Variants in LRMDA observed in about 807,000 individuals in gnomAD.
The protein encoded by LRMDA is leucine rich melanocyte differentiation associated.
LRMDA carries 18 observed loss-of-function variants against 29.8 expected under a neutral mutation model. That is an observed-to-expected ratio of 0.60 (90% CI 0.42 to 0.90). The LOEUF (loss-of-function observed/expected upper bound fraction) is 0.90. LRMDA is among the 40% of genes least tolerant of loss of function. The probability of loss-of-function intolerance (pLI) is 0.00; values close to 1 mark genes in which losing one functional copy is unlikely to be tolerated. For missense variants in LRMDA, 273 were observed against 273.9 expected (o/e 1.00, Z 0.02); for synonymous variants, 125 against 109.4 (o/e 1.14, Z -0.89).
chr10:76,353,164 T>G (rs1400312798), intron 6 of LRMDA, among the ~76,000 whole-genome samples: 5 of 152,190 alleles, frequency 3.3e-5, no homozygotes, highest in Non-Finnish European at 4.4e-5. Flanking sequence ...GTAAATGCTT[T>G]AGAGGGTCTG....
At chr10:76,473,817 A>G (rs1842641656) in intron 6 of LRMDA, among the ~76,000 whole-genome samples, 1 of 151,638 alleles carries the variant, frequency 6.6e-6, no homozygotes, top group Admixed American at 6.6e-5. Flanking sequence ...CTGAAGAACA[A>G]CAAAAACATT....
At chr10:75,538,190 G>A (rs970087916) in intron 2 of LRMDA, among the ~76,000 whole-genome samples, 1 of 152,130 alleles carries the variant, frequency 6.6e-6, no homozygotes, top group Admixed American at 6.5e-5. Flanking sequence ...CCGCTGCATC[G>A]AAGGGGAGCC....
intron 2 of LRMDA, among the ~76,000 whole-genome samples, chr10:75,634,947 A>T (rs959284617): frequency 6.6e-6 from 1 of 152,226 alleles, no homozygotes; most frequent in Admixed American, 6.5e-5. Context: ...AAAAAGGATG[A>T]AAACAACCAT....
At chr10:75,853,688 C>A (rs1366316262) in intron 2 of LRMDA, among the ~76,000 whole-genome samples, 1 of 152,174 alleles carries the variant, frequency 6.6e-6, no homozygotes, top group African/African-American at 2.4e-5. Flanking sequence ...ATATTGAATA[C>A]CAAATGCAAA....
intron 5 of LRMDA, among the ~76,000 whole-genome samples, chr10:76,098,387 C>A (rs1375528647): frequency 1.3e-5 from 2 of 152,124 alleles, no homozygotes; most frequent in Non-Finnish European, 2.9e-5. Flanking sequence ...GAGGGCTATT[C>A]AGATTATCTA....
intron 5 of LRMDA, among the ~76,000 whole-genome samples, chr10:76,209,046 C>T (rs1407209941): frequency 6.6e-6 from 1 of 151,980 alleles, no homozygotes; most frequent in Non-Finnish European, 1.5e-5. Context: ...TCCAGCTACG[C>T]AGCAGGCTGA....
chr10:75,613,742 G>C (rs1175291575), intron 2 of LRMDA, among the ~76,000 whole-genome samples: 1 of 152,178 alleles, frequency 6.6e-6, no homozygotes, highest in Non-Finnish European at 1.5e-5. Flanking sequence ...CTGACATATG[G>C]ATGTGATCTC....
chr10:75,534,754 C>A (rs891486545), intron 2 of LRMDA, among the ~76,000 whole-genome samples: 1 of 152,116 alleles, frequency 6.6e-6, no homozygotes, highest in African/African-American at 2.4e-5. Context: ...CTGAATAATT[C>A]AAGCTTGAGT....
At chr10:75,820,457 A>T (rs953602449) in intron 2 of LRMDA, among the ~76,000 whole-genome samples, 1 of 152,258 alleles carries the variant, frequency 6.6e-6, no homozygotes, top group South Asian at 2.1e-4. Context: ...TCTGAAACAC[A>T]TGAAAATAGA....
At chr10:76,370,514 C>A (rs562996189) in intron 6 of LRMDA, among the ~76,000 whole-genome samples, 35 of 152,220 alleles carry the variant, frequency 2.3e-4, no homozygotes, top group African/African-American at 8.4e-4. Flanking sequence ...AAGAAAATAG[C>A]ATATATTGTA....
At chr10:75,772,624 A>G (rs967606131) in intron 2 of LRMDA, among the ~76,000 whole-genome samples, 5 of 152,202 alleles carry the variant, frequency 3.3e-5, no homozygotes, top group Non-Finnish European at 7.3e-5. Flanking sequence ...ATGCAAATTC[A>G]AAACTGAAAG....
chr10:75,508,032 G>A (rs1309309940), intron 2 of LRMDA, among the ~76,000 whole-genome samples: 6 of 152,174 alleles, frequency 3.9e-5, no homozygotes, highest in Non-Finnish European at 8.8e-5. Flanking sequence ...AACGTATAGG[G>A]TTCGTAACTC....
intron 6 of LRMDA, among the ~76,000 whole-genome samples, chr10:76,326,284 G>A (rs1186247644): frequency 6.6e-6 from 1 of 152,156 alleles, no homozygotes; most frequent in African/African-American, 2.4e-5. Flanking sequence ...AAACCAATTT[G>A]GCTTGAACCA....
chr10:76,066,339 C>A (rs1848785042), intron 5 of LRMDA, among the ~76,000 whole-genome samples: 1 of 152,248 alleles, frequency 6.6e-6, no homozygotes, highest in Admixed American at 6.5e-5. Context: ...TAGTCACTGT[C>A]TGCTAGCTAT....
intron 2 of LRMDA, among the ~76,000 whole-genome samples, chr10:75,620,246 G>A (rs535495559): frequency 6.6e-6 from 1 of 152,284 alleles, no homozygotes; most frequent in South Asian, 2.1e-4. Flanking sequence ...GCAAAATATT[G>A]AAAGAGATGT....
intron 6 of LRMDA, among the ~76,000 whole-genome samples, chr10:76,487,971 A>G (rs867941318): frequency 6.6e-6 from 1 of 151,882 alleles, no homozygotes; most frequent in African/African-American, 2.4e-5. Context: ...ACAAAATGAC[A>G]CCATATACAG....
At chr10:76,080,458 A>G (rs566502123) in intron 5 of LRMDA, among the ~76,000 whole-genome samples, 37 of 152,286 alleles carry the variant, frequency 2.4e-4, no homozygotes, top group Admixed American at 2.1e-3. Flanking sequence ...CCCATGGCCA[A>G]TTACCAGGGA....
At chr10:75,529,552 G>GCAGCCTGGAGTGCCAT (rs1246386312) in intron 2 of LRMDA, among the ~76,000 whole-genome samples, 1 of 152,168 alleles carries the variant, frequency 6.6e-6, no homozygotes. Flanking sequence ...ATCCCAGAAG[G>GCAGCCTGGAGTGCCAT]CAGCCTGGAG....
At chr10:75,989,421 T>C (rs1423072838) in intron 2 of LRMDA, among the ~76,000 whole-genome samples, 2 of 152,132 alleles carry the variant, frequency 1.3e-5, no homozygotes, top group African/African-American at 4.8e-5. Flanking sequence ...GTGCCACACA[T>C]GTTTAAACAA....
Sources: allele counts gnomAD v4.1 joint callset (sites outside exome capture counted in the v4.1 genomes callset), GRCh38; gene constraint gnomAD v4.1.1; transcripts MANE v1.5; gene names NCBI Gene and HGNC (gene_info 2026-07-23, HGNC 2026-07-21).